ZYG11B: variants seen among roughly 807,000 people sequenced by gnomAD.
The protein encoded by ZYG11B is protein zyg-11 homolog B.
Under a neutral mutation model 82.4 loss-of-function variants are expected in ZYG11B, and 36 were observed. That is an observed-to-expected ratio of 0.44 (90% confidence interval 0.33 to 0.58). The LOEUF (loss-of-function observed/expected upper bound fraction) is 0.58, where lower values mean the gene tolerates loss of function less well. Ranked by LOEUF, ZYG11B falls within the 20% of genes least tolerant of loss-of-function variation. The pLI is 0.02. For missense variants in ZYG11B, 552 were observed against 895.6 expected, an observed-to-expected ratio of 0.62 and a Z score of 4.90; for synonymous variants, 303 against 312.8, an observed-to-expected ratio of 0.97 and a Z score of 0.33.
chr1:52,807,228 C>G (rs936741935), intron 10 of ZYG11B, among the ~76,000 whole-genome samples: 2 of 151,816 alleles, frequency 1.3e-5, no homozygotes, highest in Non-Finnish European at 2.9e-5. Context: ...TCACGAACTT[C>G]TGACCTCAAG....
At chr1:52,755,763 C>T (rs1005444278) in intron 1 of ZYG11B, among the ~76,000 whole-genome samples, 2 of 151,128 alleles carry the variant, frequency 1.3e-5, no homozygotes, top group African/African-American at 2.4e-5. Context: ...CCTCGGCCTC[C>T]CAAAGTGCTG....
At chr1:52,811,650 C>T (rs189638305) in intron 10 of ZYG11B, among the ~76,000 whole-genome samples, 25 of 152,068 alleles carry the variant, frequency 1.6e-4, no homozygotes, top group African/African-American at 2.7e-4. Flanking sequence ...ATTGTTTTTC[C>T]GGAAGCATCT....
chr1:52,799,150 T>C (rs981823462), intron 8 of ZYG11B, among the ~76,000 whole-genome samples: 3 of 151,854 alleles, frequency 2.0e-5, no homozygotes, highest in African/African-American at 7.3e-5. Context: ...GCTATGTAGA[T>C]ATGGTTGTAA....
At chr1:52,803,217 TATATATACACAC>T (rs1187005100) in intron 10 of ZYG11B, among the ~76,000 whole-genome samples, 1,525 of 84,170 alleles carry the variant, frequency 0.018, 113 homozygotes, top group African/African-American at 0.071. Context: ...CACACATATA[TATATATACACAC>T]ATATATATAT....
chr1:52,819,551 G>T (rs527339686), intron 13 of ZYG11B, among the ~76,000 whole-genome samples: 1 of 152,122 alleles, frequency 6.6e-6, no homozygotes, highest in South Asian at 2.1e-4. Context: ...ACTTTCGGAG[G>T]CCAAGGCGGG....
rs74185908 is a variant in ZYG11B, at chr1:52,783,805, T to TATACACACACACACAC, written c.1093-1071_1093-1070insTACACACACACACACA. ...GCCCAGCTTTATATATATATATATATACACACACACGTATATGTATACATA... is the reference window on the plus strand; with the variant it reads ...GCCCAGCTTTATATATATATATATATATACACACACACACACACACACACACGTATATGTATACATA... On this transcript the variant is annotated intron_variant, in intron 4 of 13. Transcript: ENST00000294353. 1.6e-4 allele frequency among the ~76,000 whole-genome samples: 22 copies of TATACACACACACACAC among 135,004 alleles called. 2 individuals are homozygous for TATACACACACACACAC. Among genetic ancestry groups the TATACACACACACACAC allele is most frequent in the African/African-American group, 1.7e-4 (6 of 35,144 alleles). The allele number at this position is 135,004 out of a possible 152,430, so 88.6% of individuals were successfully genotyped here.
chr1:52,748,735 G>A lies in ZYG11B; in HGVS notation c.31-7723G>A, dbSNP rs541910592. On this transcript the variant is annotated intron_variant, in intron 1 of 13. Coordinates refer to ENST00000294353, the MANE Select transcript of ZYG11B (RefSeq NM_024646.3). ...AAAATTAGCTGGGCGTGGTGCACGC[G>A]CCTGTAATCCCAGCTACTTGGGAGT... 2.6e-3 allele frequency among the ~76,000 whole-genome samples: 393 copies of A among 152,112 alleles called. 2 individuals carry two copies. The highest frequency in any genetic ancestry group is 9.2e-3 in the African/African-American group (383 of 41,508).
rs1437362981 is a variant in ZYG11B at position 52,803,115 on chromosome 1, T to C, written c.1695+976T>C. On this transcript the variant is annotated intron_variant, in intron 10 of 13. Transcript: ENST00000294353. Reference sequence around the variant, plus strand: ...ATATATATACATATATATATATATATATACACACATATATATATACACACA... The same window carrying C: ...ATATATATACATATATATATATATACATACACACATATATATATACACACA... 1.1e-3 allele frequency among the ~76,000 whole-genome samples: 63 copies of C among 58,302 alleles called. 4 individuals carry two copies. Among genetic ancestry groups the C allele is most frequent in the Non-Finnish European group, 1.4e-3 (50 of 35,942 alleles). The allele number at this position is 58,302 out of a possible 152,430, so 38.2% of individuals were successfully genotyped here.
intron 8 of ZYG11B, among the ~76,000 whole-genome samples, chr1:52,797,294 AAATAT>A (rs1168604816): frequency 9.4e-5 from 8 of 84,844 alleles, no homozygotes; most frequent in African/African-American, 1.6e-4. Context: ...ATTATATATA[AAATAT>A]AATATAAATA....
In ZYG11B at chr1:52,789,874, T is replaced by A. The variant is rs561454243; in HGVS notation, c.1270-129T>A. The A allele has an allele frequency of 1.4e-4, 79 of 570,096 alleles. No homozygotes were observed. In the East Asian group the frequency reaches 2.3e-3, roughly 17 times the overall value. 35.3% of individuals were successfully genotyped at this position (570,096 alleles called of 1,614,324 possible). On this transcript the variant is annotated intron_variant, in intron 5 of 13. Transcript: ENST00000294353. ...AGCCTTTCAATACTAGGGGGGCAGATAAAGATTGTAAGAAATAACTGGTGT... is the reference window on the plus strand; with the variant it reads ...AGCCTTTCAATACTAGGGGGGCAGAAAAAGATTGTAAGAAATAACTGGTGT...
intron 3 of ZYG11B, among the ~76,000 whole-genome samples, chr1:52,775,462 G>A (rs76868599): frequency 0.055 from 8,232 of 151,016 alleles, 557 homozygotes; most frequent in East Asian, 0.35. Context: ...AGGCCAAGGC[G>A]GGCGGATCAC....
chr1:52,797,840 G>A (rs1317272394), intron 8 of ZYG11B, among the ~76,000 whole-genome samples: 2 of 149,912 alleles, frequency 1.3e-5, no homozygotes, highest in Admixed American at 1.3e-4. Context: ...AATTTTTTGT[G>A]GCTAGGCATG....
intron 6 of ZYG11B, among the ~76,000 whole-genome samples, chr1:52,790,715 C>CAAAAA (rs755866491): frequency 2.8e-4 from 14 of 49,698 alleles, no homozygotes; most frequent in African/African-American, 4.0e-4. Context: ...AAGACTGTCT[C>CAAAAA]AAAAAAAAAA....
chr1:52,785,372 A>C (rs1644904718), intron 5 of ZYG11B, among the ~76,000 whole-genome samples: 1 of 152,222 alleles, frequency 6.6e-6, no homozygotes, highest in Non-Finnish European at 1.5e-5. Flanking sequence ...GGATACATAA[A>C]TGATTAAGAC....
At chr1:52,821,418 G>A in intron 13 of ZYG11B, 21 bp from the exon 14 acceptor site, 1 of 1,535,670 alleles carries the variant, frequency 6.5e-7, no homozygotes, top group Non-Finnish European at 8.8e-7. Flanking sequence ...TGTTTTGTGT[G>A]TGTTTTTTTT....
chr1:52,733,134 T>TTG, intron 1 of ZYG11B, among the ~76,000 whole-genome samples: 1 of 152,312 alleles, frequency 6.6e-6, no homozygotes, highest in East Asian at 1.9e-4. Context: ...ATTCTAGTCA[T>TTG]TTTCAGAGTA....
intron 10 of ZYG11B, among the ~76,000 whole-genome samples, chr1:52,803,227 C>CATATAT (rs1645105823): frequency 1.5e-5 from 1 of 68,960 alleles, no homozygotes; most frequent in African/African-American, 1.0e-4. Context: ...TATATATACA[C>CATATAT]ACATATATAT....
intron 1 of ZYG11B, among the ~76,000 whole-genome samples, chr1:52,748,457 C>T (rs1644493772): frequency 6.6e-6 from 1 of 152,224 alleles, no homozygotes; most frequent in African/African-American, 2.4e-5. Context: ...TCATTCAGTA[C>T]ACAGTAGCTG....
chr1:52,753,601 T>G (rs1644544907), intron 1 of ZYG11B, among the ~76,000 whole-genome samples: 1 of 151,998 alleles, frequency 6.6e-6, no homozygotes, highest in Admixed American at 6.6e-5. Flanking sequence ...TTTTGTGTTT[T>G]TTTGTTTTTT....
Sources: allele counts gnomAD v4.1 joint callset (sites outside exome capture counted in the v4.1 genomes callset), GRCh38; gene constraint gnomAD v4.1.1; transcripts MANE v1.5; gene names NCBI Gene and HGNC (gene_info 2026-07-23, HGNC 2026-07-21).